RGS18: variants seen among roughly 807,000 people sequenced by gnomAD.
RGS18 encodes the protein regulator of G protein signaling 18.
A neutral mutation model predicts 27.6 loss-of-function variants in RGS18; 22 were observed. The ratio of observed to expected loss-of-function variants is 0.80; its 90% CI spans 0.57 to 1.14. The LOEUF (loss-of-function observed/expected upper bound fraction) is 1.14, where lower values mean the gene tolerates loss of function less well. Among genes scored for constraint, RGS18 ranks in the 50% most tolerant of loss-of-function variants. RGS18 has a pLI of 0.00. For synonymous variants in RGS18, 89 were observed against 84.6 expected, an observed-to-expected ratio of 1.05 and a Z score of -0.29; for missense variants, 299 against 269.6, an observed-to-expected ratio of 1.11 and a Z score of -0.76.
chr1:192,172,081 C>T (rs531726962), intron 3 of RGS18, among the ~76,000 whole-genome samples: 38 of 152,070 alleles, frequency 2.5e-4, no homozygotes, highest in African/African-American at 9.2e-4. Flanking sequence ...TACTTCCTTC[C>T]CTTGCTGGCT....
Position 192,181,426 on chromosome 1 carries a change from G to T in RGS18, c.418G>T (p.Glu140Ter). The T allele has an allele frequency of 1.3e-6, 2 of 1,580,944 alleles. No homozygotes were observed. The highest frequency in any genetic ancestry group is 2.4e-5 in the South Asian group (2 of 83,058). The change falls in exon 4 of 5, where the codon GAG becomes TAG. Residue 140 changes from glutamate (E) to a stop codon, truncating the protein, a stop_gained. Coordinates refer to ENST00000367460, the MANE Select transcript of RGS18 (RefSeq NM_130782.3). LOFTEE classifies it high-confidence loss of function. ...QIHLKAKAIY[E>*]KFIQTDAPKE... ...TCACCTTAAAGCAAAAGCAATATATGAGAAATTTATACAGACTGATGCCCC... is the reference window on the plus strand; with the variant it reads ...TCACCTTAAAGCAAAAGCAATATATTAGAAATTTATACAGACTGATGCCCC...
intron 3 of RGS18, among the ~76,000 whole-genome samples, chr1:192,175,575 T>C (rs1322815774): frequency 6.6e-6 from 1 of 151,914 alleles, no homozygotes; most frequent in Non-Finnish European, 1.5e-5. Context: ...TTCTTTGGTA[T>C]CTCTTCTACG....
At position 192,158,628 on chromosome 1, in the gene RGS18, TAG is replaced by T. The variant is rs778671930; in HGVS notation, c.-4_-3del. 1.3e-6 allele frequency: 2 copies of T among 1,542,206 alleles called. No individual in the cohort carries two copies. Among genetic ancestry groups the T allele is most frequent in the South Asian group, 2.6e-5 (2 of 76,490 alleles). Reference sequence around the variant, plus strand: ...TAATAAATTAGACATCTCTTCATTTTAGAGAGAAGATGGAAACAACATTGCTT... The same window carrying T: ...TAATAAATTAGACATCTCTTCATTTTAGAGAAGATGGAAACAACATTGCTT... On this transcript the variant is annotated 5_prime_UTR_variant, in exon 1 of 5. Transcript: ENST00000367460.
At chr1:192,161,330 CTG>C (rs1407684303) in intron 3 of RGS18, 2 of 152,240 alleles carry the variant, frequency 1.3e-5, no homozygotes, top group Non-Finnish European at 2.9e-5. Context: ...CTCTGGAACA[CTG>C]TTATAATATA....
At position 192,185,712 on chromosome 1, in the gene RGS18, A is replaced by T. The variant is rs1196814985; in HGVS notation, c.*1158A>T. The T allele has an allele frequency of 1.3e-5, 2 of 151,642 alleles. No homozygotes were observed. Among genetic ancestry groups the T allele is most frequent in the Non-Finnish European group, 3.0e-5 (2 of 67,702 alleles). 9.4% of individuals were successfully genotyped at this position (151,642 alleles called of 1,614,324 possible). A position where few individuals can be genotyped will look rare whatever the true frequency, so the allele number is the denominator to read the frequency against. ...CATTAGGCTTTGGAAATTTAATGTT[A>T]GTTGAAATGTAAAATGTGAAAACTT... On this transcript the variant is annotated 3_prime_UTR_variant, in exon 5 of 5. Coordinates refer to ENST00000367460, the MANE Select transcript of RGS18 (RefSeq NM_130782.3).
chr1:192,179,533 G>GA (rs1235516431), intron 3 of RGS18, among the ~76,000 whole-genome samples: 9 of 148,620 alleles, frequency 6.1e-5, no homozygotes, highest in Admixed American at 1.3e-4. Context: ...TGTAATAACT[G>GA]AAAAAAAAAG....
rs1190046026 is a variant in RGS18, at chr1:192,185,300, G to A, written c.*746G>A. On this transcript the variant is annotated 3_prime_UTR_variant, in exon 5 of 5. Transcript: ENST00000367460. ...CATGACCAGATTTTGCATATCTCCA[G>A]GTAGGGAACTAAGTAGACTACCTTA... 2 of 151,726 alleles carry A rather than the reference G, an allele frequency of 1.3e-5. No homozygotes were observed. The highest frequency in any genetic ancestry group is 6.6e-5 in the Admixed American group (1 of 15,204). The allele number at this position is 151,726 out of a possible 1,614,324, so 9.4% of individuals were successfully genotyped here.
intron 3 of RGS18, among the ~76,000 whole-genome samples, chr1:192,177,028 C>A (rs1050829521): frequency 1.3e-5 from 2 of 151,666 alleles, no homozygotes; most frequent in African/African-American, 4.8e-5. Context: ...GGTTAAATAC[C>A]AAACTAATAA....
chr1:192,163,081 C>G (rs181766379), intron 3 of RGS18, among the ~76,000 whole-genome samples: 28 of 152,130 alleles, frequency 1.8e-4, no homozygotes, highest in Non-Finnish European at 4.0e-4. Context: ...GCTTCCTAAT[C>G]ACTCTGACTT....
intron 3 of RGS18, among the ~76,000 whole-genome samples, chr1:192,164,288 A>C (rs1656124863): frequency 6.6e-6 from 1 of 152,170 alleles, no homozygotes; most frequent in Admixed American, 6.5e-5. Context: ...GTTAAACAAT[A>C]TAATTTAGTT....
chr1:192,179,156 T>C (rs1656406496), intron 3 of RGS18, among the ~76,000 whole-genome samples: 1 of 151,092 alleles, frequency 6.6e-6, no homozygotes, highest in Non-Finnish European at 1.5e-5. Context: ...TGTGGAAGAG[T>C]ATTTGAAAAA....
intron 3 of RGS18, 33 bp downstream of exon 3, chr1:192,160,472 C>T (rs1656050892): frequency 6.7e-7 from 1 of 1,493,304 alleles, no homozygotes; most frequent in African/African-American, 1.4e-5. Context: ...ACTTTGTGTG[C>T]TTAATGGAAA....
chr1:192,159,261 A>G lies in RGS18; in HGVS notation c.161A>G (p.Lys54Arg). 1 of 1,613,820 alleles carries G rather than the reference A, an allele frequency of 6.2e-7. No individual in the cohort carries two copies. Among genetic ancestry groups the G allele is most frequent in the South Asian group, 1.1e-5 (1 of 91,062 alleles). The change falls in exon 2 of 5, where the codon AAA becomes AGA. Residue 54 changes from lysine (K) to arginine (R), a missense_variant. By Grantham distance (26) the Lys-to-Arg change is conservative (BLOSUM62 2). Transcript: ENST00000367460. ...AATAGACTAAGTCTTCTTGTGCAGA[A>G]ACCTGAGTTTCATGAAGACACCCGC... ...KRNRLSLLVQ[K>R]PEFHEDTRSS... is the part of the protein sequence containing the mutation.
intron 4 of RGS18, among the ~76,000 whole-genome samples, chr1:192,183,274 C>T (rs781140905): frequency 2.0e-5 from 3 of 151,542 alleles, no homozygotes; most frequent in Non-Finnish European, 3.0e-5. Flanking sequence ...TGATACAAGG[C>T]ATTAAAGAAT....
chr1:192,159,052 C>A (rs959995230), intron 1 of RGS18, among the ~76,000 whole-genome samples, 168 bp from the exon 2 acceptor site: 1 of 151,982 alleles, frequency 6.6e-6, no homozygotes, highest in African/African-American at 2.4e-5. Context: ...GAAACATTTT[C>A]GTATGTTACC....
At chr1:192,168,302 CTTCT>C (rs1488673697) in intron 3 of RGS18, 4 of 152,142 alleles carry the variant, frequency 2.6e-5, no homozygotes, top group Non-Finnish European at 5.9e-5. Flanking sequence ...AATTAATAAA[CTTCT>C]TTCTCATTCA....
At position 192,181,470 on chromosome 1, in the gene RGS18, A is replaced by C. The variant is rs1276459493; in HGVS notation, c.450+12A>C. 1 of 1,490,660 alleles carries C rather than the reference A, an allele frequency of 6.7e-7. No homozygotes were observed. Among genetic ancestry groups the C allele is most frequent in the Non-Finnish European group, 8.9e-7 (1 of 1,124,534 alleles). 92.3% of individuals were successfully genotyped at this position (1,490,660 alleles called of 1,614,324 possible). ...ATGCCCCAAAAGAGGTACAGTAAAG[A>C]TAACTGTAAAAATGCATAATTGCTT... On this transcript the variant is annotated intron_variant, in intron 4 of 4. Transcript: ENST00000367460.
At chr1:192,168,924 T>G (rs1042684172) in intron 3 of RGS18, 4 of 152,094 alleles carry the variant, frequency 2.6e-5, no homozygotes, top group Admixed American at 6.6e-5. Context: ...CAAGACTTAC[T>G]CCGTAGGGCT....
At chr1:192,177,395 T>G (rs574517550) in intron 3 of RGS18, among the ~76,000 whole-genome samples, 1 of 151,742 alleles carries the variant, frequency 6.6e-6, no homozygotes, top group Admixed American at 6.6e-5. Flanking sequence ...TAATTCTGTA[T>G]TTTTATAATT....
Sources: gnomAD v4.1 joint callset for allele counts (sites outside exome capture counted in the v4.1 genomes callset) on GRCh38, gnomAD v4.1.1 for gene constraint, MANE v1.5 for transcripts, NCBI Gene and HGNC (gene_info 2026-07-23, HGNC 2026-07-21) for gene names.